RABGAP1L: variants seen among roughly 807,000 people sequenced by gnomAD.
RABGAP1L encodes the protein RAB GTPase activating protein 1 like.
In RABGAP1L, 63 loss-of-function variants were observed where a neutral mutation model predicts 137.7. The ratio of observed to expected loss-of-function variants is 0.46; its 90% CI spans 0.37 to 0.56. RABGAP1L has a LOEUF of 0.56. Among genes scored for constraint, RABGAP1L ranks in the 20% least tolerant of loss-of-function variants. RABGAP1L has a pLI of 0.00. For missense variants in RABGAP1L, 1,095 were observed against 1,244.0 expected, an observed-to-expected ratio of 0.88 and a Z score of 1.80; for synonymous variants, 431 against 433.7, an observed-to-expected ratio of 0.99 and a Z score of 0.08.
chr1:174,921,806 TC>T (rs1451069033), intron 19 of RABGAP1L, among the ~76,000 whole-genome samples: 1 of 152,232 alleles, frequency 6.6e-6, no homozygotes, highest in Non-Finnish European at 1.5e-5. Context: ...AAATCTTGCC[TC>T]CCTAATAATG....
At chr1:174,235,030 T>C (rs1311892925) in intron 4 of RABGAP1L, among the ~76,000 whole-genome samples, 2 of 133,232 alleles carry the variant, frequency 1.5e-5, no homozygotes, top group Non-Finnish European at 3.1e-5. Flanking sequence ...TTTGAAGCAA[T>C]TGTGAATGGG....
intron 13 of RABGAP1L, among the ~76,000 whole-genome samples, chr1:174,536,371 AAGAT>A (rs963626822): frequency 6.6e-6 from 1 of 152,078 alleles, no homozygotes; most frequent in African/African-American, 2.4e-5. Flanking sequence ...GAAAAAAGGA[AAGAT>A]AGAAGAAGGG....
chr1:174,828,729 T>C (rs2156853), intron 19 of RABGAP1L, among the ~76,000 whole-genome samples: 85,504 of 147,322 alleles, frequency 0.58, 30,095 homozygotes, highest in East Asian at 0.91. Flanking sequence ...AACTCCTATT[T>C]ACCCTTTAGG....
intron 19 of RABGAP1L, among the ~76,000 whole-genome samples, chr1:174,904,552 ACT>A (rs991116343): frequency 2.0e-5 from 3 of 151,470 alleles, no homozygotes; most frequent in African/African-American, 7.3e-5. Context: ...AGCTCTGAAA[ACT>A]CTGCTTTGTA....
At chr1:174,467,197 C>G (rs750292501) in intron 13 of RABGAP1L, among the ~76,000 whole-genome samples, 1 of 152,042 alleles carries the variant, frequency 6.6e-6, no homozygotes, top group Non-Finnish European at 1.5e-5. Context: ...TTTTTTACAT[C>G]TTATATGCCA....
intron 11 of RABGAP1L, among the ~76,000 whole-genome samples, chr1:174,319,693 G>A (rs1053042483): frequency 6.6e-6 from 1 of 152,148 alleles, no homozygotes; most frequent in Non-Finnish European, 1.5e-5. Flanking sequence ...CTTTGTAGGT[G>A]TTCTTTATCA....
intron 13 of RABGAP1L, among the ~76,000 whole-genome samples, chr1:174,429,438 C>G (rs1299163705): frequency 6.6e-5 from 10 of 152,116 alleles, no homozygotes; most frequent in Non-Finnish European, 1.5e-4. Flanking sequence ...TCTTTACTAG[C>G]TCATAAGATA....
chr1:174,952,339 CAAAA>C (rs59406597), intron 19 of RABGAP1L, among the ~76,000 whole-genome samples: 4 of 31,722 alleles, frequency 1.3e-4, no homozygotes, highest in Admixed American at 4.4e-4. Flanking sequence ...CTGGCTCTAC[CAAAA>C]AAAAAAAAAA....
At chr1:174,629,627 A>T (rs1261553526) in intron 13 of RABGAP1L, among the ~76,000 whole-genome samples, 2 of 152,040 alleles carry the variant, frequency 1.3e-5, no homozygotes, top group Non-Finnish European at 2.9e-5. Flanking sequence ...GGTTCAAGCG[A>T]TTCTCCTGCC....
Position 174,832,292 on chromosome 1 carries a change from C to G in RABGAP1L, c.2340+20332C>G, listed in dbSNP as rs1247299422. 3.6e-5 allele frequency among the ~76,000 whole-genome samples: 4 copies of G among 110,616 alleles called. 1 individual carries two copies. In the South Asian group the frequency reaches 1.2e-3, roughly 33 times the overall value. The allele number at this position is 110,616 out of a possible 152,430, so 72.6% of individuals were successfully genotyped here. ...TGGGCGATAGAGCAAGACTCTATCT[C>G]AAAAAAGAAAAAAGAAAAAGAAAAA... On this transcript the variant is annotated intron_variant, in intron 19 of 25. Transcript: ENST00000681986.
At chr1:174,695,555 T>C (rs1296217110) in intron 15 of RABGAP1L, among the ~76,000 whole-genome samples, 1 of 152,194 alleles carries the variant, frequency 6.6e-6, no homozygotes, top group Non-Finnish European at 1.5e-5. Flanking sequence ...AAAGTAGCTA[T>C]TCTGAATTCT....
intron 13 of RABGAP1L, among the ~76,000 whole-genome samples, chr1:174,628,057 C>G (rs1169444976): frequency 6.6e-6 from 1 of 152,096 alleles, no homozygotes; most frequent in Admixed American, 6.6e-5. Flanking sequence ...CCTGTCCTTC[C>G]TATCCTTCTT....
At chr1:174,826,832 A>T (rs190766602) in intron 19 of RABGAP1L, among the ~76,000 whole-genome samples, 2 of 152,312 alleles carry the variant, frequency 1.3e-5, no homozygotes, top group Admixed American at 6.5e-5. Context: ...AACAAAAGCC[A>T]TTCTGACTGG....
At chr1:174,570,079 A>G (rs1572358083) in intron 13 of RABGAP1L, among the ~76,000 whole-genome samples, 1 of 152,198 alleles carries the variant, frequency 6.6e-6, no homozygotes, top group Non-Finnish European at 1.5e-5. Context: ...ATGTTATTCT[A>G]TGATTTTTAT....
chr1:174,596,193 A>G (rs867608266), intron 13 of RABGAP1L, among the ~76,000 whole-genome samples: 33 of 118,302 alleles, frequency 2.8e-4, no homozygotes, highest in South Asian at 2.6e-4. Context: ...AGGTGAGGCA[A>G]TGCCTCGCCC....
intron 1 of RABGAP1L, among the ~76,000 whole-genome samples, chr1:174,160,612 G>T (rs1664361712): frequency 6.6e-6 from 1 of 152,156 alleles, no homozygotes; most frequent in African/African-American, 2.4e-5. Flanking sequence ...ACTTTTGCTT[G>T]CCTGACAGAT....
chr1:174,935,984 CAAAAA>C (rs58215269), intron 19 of RABGAP1L, among the ~76,000 whole-genome samples: 2 of 43,176 alleles, frequency 4.6e-5, no homozygotes, highest in Non-Finnish European at 8.0e-5. Context: ...TCCATCTCAC[CAAAAA>C]AAAAAAAAAA....
At chr1:174,549,369 A>T (rs1332418748) in intron 13 of RABGAP1L, among the ~76,000 whole-genome samples, 3 of 152,186 alleles carry the variant, frequency 2.0e-5, no homozygotes, top group African/African-American at 7.2e-5. Flanking sequence ...CTTTCAGAGG[A>T]TGGGAAAGTG....
chr1:174,228,007 A>T (rs375359446), intron 3 of RABGAP1L, among the ~76,000 whole-genome samples: 2 of 152,114 alleles, frequency 1.3e-5, no homozygotes, highest in African/African-American at 4.8e-5. Context: ...TCTGCAATTT[A>T]GAAACTGCTG....
Sources: gnomAD v4.1 joint callset for allele counts (sites outside exome capture counted in the v4.1 genomes callset) on GRCh38, gnomAD v4.1.1 for gene constraint, MANE v1.5 for transcripts, NCBI Gene and HGNC (gene_info 2026-07-23, HGNC 2026-07-21) for gene names.